Variants in ACTMAP observed in about 807,000 individuals in gnomAD.
ACTMAP encodes the protein actin maturation protease, also known as UPF0692 protein C19orf54.
the ACTMAP span, among the ~76,000 whole-genome samples, chr19:40,746,347 G>A: frequency 6.6e-6 from 1 of 151,852 alleles, no homozygotes; most frequent in South Asian, 2.1e-4. Flanking sequence ...AGCCTCCTGA[G>A]TAGCTGGGAT....
At chr19:40,742,877 C>T in the ACTMAP span, 2 of 1,118,540 alleles carry the variant, frequency 1.8e-6, no homozygotes, top group Non-Finnish European at 2.5e-6. Context: ...GTGCAGCTGC[C>T]ATTCCTAGGT....
At chr19:40,748,555 C>T in the ACTMAP span, among the ~76,000 whole-genome samples, 5 of 152,196 alleles carry the variant, frequency 3.3e-5, no homozygotes, top group South Asian at 8.3e-4. Flanking sequence ...CTCAAGGCTC[C>T]TAAGTACCAC....
chr19:40,745,310 G>T, the ACTMAP span: 1 of 1,061,224 alleles, frequency 9.4e-7, no homozygotes, highest in Non-Finnish European at 1.4e-6. Context: ...TATGGGCCTG[G>T]CTGTCCTAAG....
the ACTMAP span, chr19:40,741,586 C>G: frequency 1.8e-5 from 7 of 391,306 alleles, no homozygotes; most frequent in African/African-American, 1.4e-4. Flanking sequence ...CACACACTCA[C>G]TAGAAGTTTG....
chr19:40,741,811 C>T, the ACTMAP span: 5 of 456,618 alleles, frequency 1.1e-5, no homozygotes, highest in East Asian at 3.5e-4. Flanking sequence ...GCCAGATCTG[C>T]TAACACAGGT....
the ACTMAP span, among the ~76,000 whole-genome samples, chr19:40,749,094 G>A: frequency 1.3e-5 from 2 of 150,526 alleles, no homozygotes; most frequent in African/African-American, 2.4e-5. Context: ...GGGTTCAAGC[G>A]ATTCTCCCGC....
At chr19:40,742,275 C>A in the ACTMAP span, 1 of 781,924 alleles carries the variant, frequency 1.3e-6, no homozygotes, top group Admixed American at 2.1e-5. Context: ...CTAGAGGGAC[C>A]AGCTGGTGCT....
the ACTMAP span, among the ~76,000 whole-genome samples, chr19:40,746,282 C>T: frequency 1.2e-4 from 19 of 152,116 alleles, no homozygotes; most frequent in African/African-American, 3.9e-4. Context: ...TGCAATGGTG[C>T]GATCTTGGCT....
chr19:40,742,574 G>A, the ACTMAP span: 1 of 1,606,994 alleles, frequency 6.2e-7, no homozygotes, highest in Non-Finnish European at 8.5e-7. Context: ...TGCTCTCCCG[G>A]ACCTGGTCGT....
At chr19:40,743,807 T>G in the ACTMAP span, 1 of 1,472,548 alleles carries the variant, frequency 6.8e-7, no homozygotes, top group Non-Finnish European at 9.4e-7. Context: ...CCAGCCTGGC[T>G]GGGGAGGCAC....
chr19:40,747,123 A>C, the ACTMAP span, among the ~76,000 whole-genome samples: 1 of 152,036 alleles, frequency 6.6e-6, no homozygotes, highest in Non-Finnish European at 1.5e-5. Context: ...TATTATTCCT[A>C]TTCCAAGGCT....
At chr19:40,746,822 G>A in the ACTMAP span, among the ~76,000 whole-genome samples, 5 of 148,526 alleles carry the variant, frequency 3.4e-5, no homozygotes, top group East Asian at 1.0e-3. Flanking sequence ...CCTTTTTTTT[G>A]TTGAGATGCA....
At chr19:40,742,615 C>G in the ACTMAP span, 3 of 1,612,196 alleles carry the variant, frequency 1.9e-6, no homozygotes, top group Non-Finnish European at 1.7e-6. Flanking sequence ...CAACTCTTGC[C>G]CTGCTTGGAC....
the ACTMAP span, chr19:40,741,879 G>A: frequency 2.2e-6 from 1 of 455,272 alleles, no homozygotes; most frequent in South Asian, 1.6e-5. Context: ...GAAGACATGA[G>A]GTGGGGGAGG....
the ACTMAP span, among the ~76,000 whole-genome samples, chr19:40,743,389 C>T: frequency 6.6e-6 from 1 of 152,116 alleles, no homozygotes. Flanking sequence ...TACACCACCA[C>T]GCCTGGCTAA....
the ACTMAP span, among the ~76,000 whole-genome samples, chr19:40,746,405 G>GT: frequency 0.063 from 9,423 of 149,820 alleles, 358 homozygotes; most frequent in East Asian, 0.19. Context: ...TTTTGTTTTT[G>GT]TTTTTTTTTG....
the ACTMAP span, among the ~76,000 whole-genome samples, chr19:40,745,861 G>A: frequency 2.0e-5 from 3 of 151,992 alleles, no homozygotes; most frequent in Admixed American, 6.5e-5. Flanking sequence ...TAGTAGAAAC[G>A]GGGTTTCACC....
chr19:40,749,601 G>A, the ACTMAP span: 3 of 1,550,824 alleles, frequency 1.9e-6, no homozygotes, highest in Non-Finnish European at 1.7e-6. Flanking sequence ...ATGACGGGGA[G>A]CAGGCCCTGT....
the ACTMAP span, chr19:40,744,107 C>T: frequency 1.4e-4 from 222 of 1,613,664 alleles, no homozygotes; most frequent in Non-Finnish European, 1.8e-4. Flanking sequence ...TGCTGCAGGA[C>T]GAGGTCTCTG....
Sources: allele counts gnomAD v4.1 joint callset (sites outside exome capture counted in the v4.1 genomes callset), GRCh38; gene constraint gnomAD v4.1.1; transcripts MANE v1.5; gene names NCBI Gene and HGNC (gene_info 2026-07-23, HGNC 2026-07-21).